The following NDE1 variants were observed in gnomAD, a reference collection of about 807,000 sequenced individuals.
NDE1 encodes the protein nudE neurodevelopment protein 1, also known as nuclear distribution protein nudE homolog 1.
Under a neutral mutation model 43.4 loss-of-function variants are expected in NDE1, and 28 were observed. That is an observed-to-expected ratio of 0.65 (90% CI 0.48 to 0.89). The LOEUF (loss-of-function observed/expected upper bound fraction) is 0.89, where lower values mean the gene tolerates loss of function less well. Ranked by LOEUF, NDE1 falls within the 40% of genes least tolerant of loss-of-function variation. The probability of loss-of-function intolerance (pLI) is 0.00; values close to 1 mark genes in which losing one functional copy is unlikely to be tolerated. For synonymous variants in NDE1, 184 were observed against 172.0 expected, an observed-to-expected ratio of 1.07 and a Z score of -0.55; for missense variants, 441 against 434.1, an observed-to-expected ratio of 1.02 and a Z score of -0.14.
intron 3 of NDE1, among the ~76,000 whole-genome samples, chr16:15,671,571 T>G (rs2037594981): frequency 6.6e-6 from 1 of 152,094 alleles, no homozygotes. Flanking sequence ...AATCCCCATA[T>G]CCGTGACACG....
chr16:15,653,046 A>G (rs1186707517), intron 1 of NDE1, among the ~76,000 whole-genome samples: 1 of 152,160 alleles, frequency 6.6e-6, no homozygotes, highest in Non-Finnish European at 1.5e-5. Context: ...TGTCAGGTAC[A>G]AATCCACAGG....
At chr16:15,677,044 T>G (rs1487579504) in intron 3 of NDE1, among the ~76,000 whole-genome samples, 1 of 152,046 alleles carries the variant, frequency 6.6e-6, no homozygotes, top group African/African-American at 2.4e-5. Context: ...CTGTTGAGAG[T>G]AGGCAAGATT....
Position 15,694,194 on chromosome 16 carries a change from C to A in NDE1, c.733C>A (p.Leu245Ile), listed in dbSNP as rs772376482. The A allele has an allele frequency of 4.3e-6, 7 of 1,613,052 alleles. No homozygotes were observed. Among genetic ancestry groups the A allele is most frequent in the Non-Finnish European group, 5.9e-6 (7 of 1,180,038 alleles). The change falls in exon 7 of 9, where the codon CTC (leucine) becomes ATC (isoleucine). Residue 245 changes from leucine (L) to isoleucine (I), a missense_variant. Leu to Ile is a conservative substitution (Grantham distance 5). Coordinates refer to ENST00000396354, the MANE Select transcript of NDE1 (RefSeq NM_017668.3). ...GGACGACTCCACCGGGGGGACCCCC[C>A]TCACACCTGCGGCCCGGATATCAGC... ...GLDDSTGGTP[L>I]TPAARISALN...
intron 4 of NDE1, among the ~76,000 whole-genome samples, chr16:15,679,554 TA>T (rs2038067381): frequency 6.6e-6 from 1 of 152,218 alleles, no homozygotes; most frequent in South Asian, 2.1e-4. Flanking sequence ...ATTGTATTTT[TA>T]GATGTAGGAT....
At chr16:15,647,146 G>A (rs535325834), upstream of NDE1, among the ~76,000 whole-genome samples, 1 of 152,364 alleles carries the variant, frequency 6.6e-6, no homozygotes, top group South Asian at 2.1e-4. Context: ...TTTCCTGAAA[G>A]ACATTTGGTA....
chr16:15,695,203 C>CTTTTTTTTTTTTTTTTTTTTTTT (rs71134451), intron 7 of NDE1, among the ~76,000 whole-genome samples: 6 of 79,680 alleles, frequency 7.5e-5, no homozygotes, highest in African/African-American at 2.8e-4. Context: ...AAACTGCCAC[C>CTTTTTTTTTTTTTTTTTTTTTTT]TTTTTTTTTT....
intron 7 of NDE1, 46 bp from the exon 8 acceptor site, chr16:15,696,663 T>C (rs1171053864): frequency 2.5e-6 from 4 of 1,613,824 alleles, no homozygotes; most frequent in Non-Finnish European, 3.4e-6. Flanking sequence ...TAAGACAGAA[T>C]AGTCCTTGCC....
At chr16:15,717,989 G>A (rs1372186690) in intron 8 of NDE1, 1 of 433,770 alleles carries the variant, frequency 2.3e-6, no homozygotes, top group Non-Finnish European at 4.3e-6. Flanking sequence ...AGGGCTCACT[G>A]GATAAGGTCA....
chr16:15,712,882 G>GGTTTTTTTTTTTTTTTTTTTTTTTTTTT (rs2039886822), intron 8 of NDE1: 1 of 90,636 alleles, frequency 1.1e-5, no homozygotes, highest in African/African-American at 4.5e-5. Flanking sequence ...TTCACATACA[G>GGTTTTTTTTTTTTTTTTTTTTTTTTTTT]TTTTTTTTTT....
At chr16:15,704,569 A>G (rs1293115631) in intron 8 of NDE1, among the ~76,000 whole-genome samples, 1 of 152,196 alleles carries the variant, frequency 6.6e-6, no homozygotes, top group African/African-American at 2.4e-5. Context: ...TTTCTTCTGT[A>G]TCTCCTCACC....
intron 6 of NDE1, 26 bp downstream of exon 6, chr16:15,691,349 T>C: frequency 6.2e-7 from 1 of 1,611,728 alleles, no homozygotes; most frequent in Non-Finnish European, 8.5e-7. Context: ...ATTGCAGGAT[T>C]TTCTCGGTTC....
At chr16:15,702,627 A>G (rs1390626435) in intron 8 of NDE1, among the ~76,000 whole-genome samples, 2 of 151,392 alleles carry the variant, frequency 1.3e-5, no homozygotes, top group East Asian at 3.9e-4. Flanking sequence ...GCTGGCCTCC[A>G]ACTCCTGGCC....
chr16:15,687,607 A>AC, intron 5 of NDE1, 96 bp downstream of exon 5: 3 of 1,178,018 alleles, frequency 2.5e-6, no homozygotes, highest in Admixed American at 1.7e-5. Context: ...CTTTACAGGG[A>AC]CCCCACACCC....
rs71134451 is a variant in NDE1 at position 15,695,203 on chromosome 16, C to CTTT, written c.795+969_795+971dup. The stretch of plus-strand genomic sequence containing the variant: ...TCTCAGAAGAGAAAAAAACTGCCAC[C>CTTT]TTTTTTTTTTTTTTTTTTTTTTTTG... On this transcript the variant is annotated intron_variant, in intron 7 of 8. Coordinates refer to ENST00000396354, the MANE Select transcript of NDE1 (RefSeq NM_017668.3). Among the ~76,000 whole-genome samples, 720 of 79,610 alleles carry CTTT rather than the reference C, an allele frequency of 9.0e-3. 7 individuals carry two copies. Among genetic ancestry groups the CTTT allele is most frequent in the African/African-American group, 0.036 (643 of 18,052 alleles). 52.2% of individuals were successfully genotyped at this position (79,610 alleles called of 152,430 possible).
chr16:15,709,928 G>A (rs1006760521), intron 8 of NDE1, among the ~76,000 whole-genome samples: 1 of 152,154 alleles, frequency 6.6e-6, no homozygotes, highest in African/African-American at 2.4e-5. Context: ...TCTGGCTTTA[G>A]AGAGGGCTTG....
At chr16:15,724,048 A>G in intron 8 of NDE1, 143 bp from the exon 9 acceptor site, 2 of 1,561,836 alleles carry the variant, frequency 1.3e-6, no homozygotes, top group Non-Finnish European at 1.7e-6. Context: ...ATGGCTCCCC[A>G]CAGAGTGGAG....
At chr16:15,659,957 C>A (rs2036965998) in intron 1 of NDE1, among the ~76,000 whole-genome samples, 1 of 151,740 alleles carries the variant, frequency 6.6e-6, no homozygotes, top group African/African-American at 2.4e-5. Flanking sequence ...CCATATTGGC[C>A]AGGCTGGTCT....
intron 3 of NDE1, among the ~76,000 whole-genome samples, chr16:15,670,606 G>A (rs1218148360): frequency 1.3e-5 from 2 of 151,108 alleles, no homozygotes; most frequent in African/African-American, 4.9e-5. Flanking sequence ...GCAGTGAGCC[G>A]AGATTGCACC....
intron 8 of NDE1, chr16:15,699,494 A>G (rs2039152359): frequency 9.0e-7 from 1 of 1,108,442 alleles, no homozygotes; most frequent in South Asian, 1.8e-5. Flanking sequence ...CAAACAAACA[A>G]TAGGTAAGAG....
Sources: gnomAD v4.1 joint callset for allele counts (sites outside exome capture counted in the v4.1 genomes callset) on GRCh38, gnomAD v4.1.1 for gene constraint, MANE v1.5 for transcripts, NCBI Gene and HGNC (gene_info 2026-07-23, HGNC 2026-07-21) for gene names.